The following FUCA1 variants were observed in gnomAD, a reference collection of about 807,000 sequenced individuals.
FUCA1 encodes the protein tissue alpha-L-fucosidase.
Under a neutral mutation model 56.8 loss-of-function variants are expected in FUCA1, and 52 were observed. The ratio of observed to expected loss-of-function variants is 0.92; its 90% CI spans 0.73 to 1.15. FUCA1 has a LOEUF of 1.15. Ranked by LOEUF, FUCA1 falls within the 50% of genes most tolerant of loss-of-function variation. The pLI, the probability that FUCA1 is intolerant of heterozygous loss-of-function variation, is 0.00. For missense variants in FUCA1, 568 were observed against 592.6 expected, an observed-to-expected ratio of 0.96 and a Z score of 0.43; for synonymous variants, 230 against 226.6, an observed-to-expected ratio of 1.02 and a Z score of -0.14.
At chr1:23,851,422 AT>A (rs1222327125) in intron 5 of FUCA1, among the ~76,000 whole-genome samples, 2 of 152,020 alleles carry the variant, frequency 1.3e-5, no homozygotes, top group South Asian at 2.1e-4. Context: ...ACATACATAC[AT>A]ACATACAAAT....
chr1:23,858,113 G>A (rs1162991615), intron 4 of FUCA1, among the ~76,000 whole-genome samples: 1 of 151,848 alleles, frequency 6.6e-6, no homozygotes, highest in African/African-American at 2.4e-5. Flanking sequence ...CGCCCAGGCT[G>A]GAGTGCAGTG....
intron 2 of FUCA1, 24 bp downstream of exon 2, chr1:23,865,467 G>C (rs761426208): frequency 1.2e-6 from 2 of 1,614,008 alleles, no homozygotes; most frequent in East Asian, 2.2e-5. Flanking sequence ...AGAGATAACA[G>C]AGTAACCATC....
At chr1:23,860,600 A>C (rs1250851625) in intron 3 of FUCA1, among the ~76,000 whole-genome samples, 18 of 150,326 alleles carry the variant, frequency 1.2e-4, no homozygotes, top group Admixed American at 4.0e-4. Context: ...AAAAAAAAAA[A>C]ACACACAGCA....
intron 5 of FUCA1, among the ~76,000 whole-genome samples, chr1:23,853,917 C>T (rs1396045967): frequency 4.0e-5 from 6 of 150,718 alleles, no homozygotes; most frequent in Non-Finnish European, 8.9e-5. Context: ...CCCAGGGACA[C>T]AAACACTGCG....
intron 3 of FUCA1, among the ~76,000 whole-genome samples, chr1:23,862,695 A>G (rs1168921875): frequency 6.6e-6 from 1 of 152,232 alleles, no homozygotes; most frequent in Non-Finnish European, 1.5e-5. Flanking sequence ...TTCACATACT[A>G]TTCTGAGCCC....
intron 2 of FUCA1, among the ~76,000 whole-genome samples, chr1:23,863,920 C>T (rs1639565470): frequency 6.6e-6 from 1 of 152,036 alleles, no homozygotes; most frequent in South Asian, 2.1e-4. Context: ...TCTTCCCTGT[C>T]AATCATAAAA....
rs1005483117 is a variant in FUCA1 at position 23,867,756 on chromosome 1, T to C, written c.389+142A>G. Reference sequence around the variant, plus strand: ...TCCTCATCAGGTGTGCCAGGCTCACTCCTGTGGCCGCAGGAGGCCACACGC... The same window carrying C: ...TCCTCATCAGGTGTGCCAGGCTCACCCCTGTGGCCGCAGGAGGCCACACGC... On this transcript the variant is annotated intron_variant, in intron 1 of 7. Transcript: ENST00000374479. This position sits in a 1 kb window ranked among gnomAD's most constrained non-coding sequence, Gnocchi z 4.9. The C allele has an allele frequency of 2.7e-5, 38 of 1,423,020 alleles. No individual in the cohort carries two copies. Among genetic ancestry groups the C allele is most frequent in the Non-Finnish European group, 3.2e-5 (35 of 1,097,648 alleles). The allele number at this position is 1,423,020 out of a possible 1,614,324, so 88.1% of individuals were successfully genotyped here. A position where few individuals can be genotyped will look rare whatever the true frequency, so the allele number is the denominator to read the frequency against.
chr1:23,859,915 G>A lies in FUCA1; in HGVS notation c.663-12C>T. ...GATCAGGTTTATAGCTGGAAGACAT[G>A]TGATCAGGACAGAGCTTATTATCTG... is the stretch of plus-strand genomic sequence containing the variant. On this transcript the variant is annotated splice_polypyrimidine_tract_variant and intron_variant, in intron 3 of 7. Coordinates refer to ENST00000374479, the MANE Select transcript of FUCA1 (RefSeq NM_000147.5). 6.5e-7 allele frequency: 1 copy of A among 1,532,390 alleles called. No homozygotes were observed. The highest frequency in any genetic ancestry group is 2.2e-5 in the East Asian group (1 of 44,500). The allele number at this position is 1,532,390 out of a possible 1,614,324, so 94.9% of individuals were successfully genotyped here.
chr1:23,846,424 C>T (rs1639142480), intron 6 of FUCA1, among the ~76,000 whole-genome samples: 1 of 151,882 alleles, frequency 6.6e-6, no homozygotes, highest in East Asian at 1.9e-4. Context: ...GTGTGCACCA[C>T]CACGCCTGGC....
intron 4 of FUCA1, among the ~76,000 whole-genome samples, chr1:23,858,243 A>AT (rs1343977465): frequency 6.6e-6 from 1 of 151,352 alleles, no homozygotes; most frequent in Non-Finnish European, 1.5e-5. Flanking sequence ...TTCTTTTTGT[A>AT]TTTTTAGTAG....
At chr1:23,849,191 G>A (rs1469988275) in intron 5 of FUCA1, among the ~76,000 whole-genome samples, 3 of 152,030 alleles carry the variant, frequency 2.0e-5, no homozygotes, top group Non-Finnish European at 4.4e-5. Flanking sequence ...CACCACGTTG[G>A]CCAGGCCAGT....
At chr1:23,861,913 A>C (rs1444281260) in intron 3 of FUCA1, among the ~76,000 whole-genome samples, 1 of 152,238 alleles carries the variant, frequency 6.6e-6, no homozygotes, top group Non-Finnish European at 1.5e-5. Flanking sequence ...ACTGTGTATA[A>C]GAAATTGTAC....
In FUCA1 at chr1:23,865,167, C is replaced by T. The variant is rs370302709; in HGVS notation, c.524+324G>A. Among the ~76,000 whole-genome samples, 23 of 152,280 alleles carry T rather than the reference C, an allele frequency of 1.5e-4. No homozygotes were observed. The South Asian group carries it at 4.8e-3, about 32-fold the overall frequency. On this transcript the variant is annotated intron_variant, in intron 2 of 7. Transcript: ENST00000374479. The stretch of plus-strand genomic sequence containing the variant: ...ATGATTTATACAGACACTCAGCCTA[C>T]TCCTCAAACAGGACATCAAGTAGCA...
intron 1 of FUCA1, 85 bp from the exon 2 acceptor site, chr1:23,865,710 A>T (rs34902309): frequency 6.9e-7 from 1 of 1,455,150 alleles, no homozygotes; most frequent in Non-Finnish European, 9.6e-7. Flanking sequence ...CTTTTTAAAT[A>T]GCTGAAAGAA....
At chr1:23,857,950 G>C (rs1639428193) in intron 4 of FUCA1, among the ~76,000 whole-genome samples, 1 of 150,492 alleles carries the variant, frequency 6.6e-6, no homozygotes, top group Non-Finnish European at 1.5e-5. Context: ...TTACAGGCGT[G>C]AGCCACCACG....
Position 23,848,788 on chromosome 1 carries a change from G to A in FUCA1, c.1021C>T (p.Pro341Ser). 1 of 1,614,136 alleles carries A rather than the reference G, an allele frequency of 6.2e-7. No individual in the cohort carries two copies. Among genetic ancestry groups the A allele is most frequent in the Non-Finnish European group, 8.5e-7 (1 of 1,179,990 alleles). ...LGGNYLLNIGPTKDGLIVPIF... is the reference protein window; with the variant it reads ...LGGNYLLNIGSTKDGLIVPIF... ...GGAACAATCAGTCCATCTTTAGTTG[G>A]TCCAATGTTCAGAAGATAGTTGCCT... is the stretch of plus-strand genomic sequence containing the variant. Residue 341 changes from proline (P) to serine (S), a missense_variant, in exon 6 of 8, where the codon CCA (proline) becomes TCA (serine). Physicochemically the swap from Pro to Ser is moderately conservative, Grantham distance 74 (BLOSUM62 -1). Transcript: ENST00000374479.
chr1:23,863,376 A>C (rs1278027967), intron 2 of FUCA1, 105 bp from the exon 3 acceptor site: 2 of 1,101,546 alleles, frequency 1.8e-6, no homozygotes, highest in East Asian at 2.6e-5. Flanking sequence ...GCACTCACTC[A>C]TAAGAGCATA....
Position 23,863,201 on chromosome 1 carries a change from T to G in FUCA1, c.595A>C (p.Asn199His). The G allele has an allele frequency of 6.2e-7, 1 of 1,614,012 alleles. No homozygotes were observed. The highest frequency in any genetic ancestry group is 8.5e-7 in the Non-Finnish European group (1 of 1,180,016). The change falls in exon 3 of 8, where the codon AAT becomes CAT. Residue 199 changes from asparagine (N) to histidine (H), a missense_variant. Physicochemically the swap from Asn to His is moderately conservative, Grantham distance 68. Transcript: ENST00000374479. ...ACAAAATGCTGTGTTTTGAAGCCAT[T>G]TTTCTTATCAAGTAGATAGAGTGGA... ...FHPLYLLDKK[N>H]GFKTQHFVSA...
At chr1:23,863,773 G>A (rs1639559692) in intron 2 of FUCA1, among the ~76,000 whole-genome samples, 1 of 152,142 alleles carries the variant, frequency 6.6e-6, no homozygotes, top group Non-Finnish European at 1.5e-5. Flanking sequence ...GATGGCTTGA[G>A]CCCAGGAGGT....
Sources: allele counts gnomAD v4.1 joint callset (sites outside exome capture counted in the v4.1 genomes callset), GRCh38; gene constraint gnomAD v4.1.1; non-coding constraint Gnocchi (gnomAD v3.1); transcripts MANE v1.5; gene names NCBI Gene and HGNC (gene_info 2026-07-23, HGNC 2026-07-21).